Variants in MAN1A1 observed in about 807,000 individuals in gnomAD.
MAN1A1 encodes the protein mannosyl-oligosaccharide 1,2-alpha-mannosidase IA.
Under a neutral mutation model 70.8 loss-of-function variants are expected in MAN1A1, and 29 were observed. The observed-to-expected ratio is 0.41, with a 90% CI of 0.31 to 0.56. MAN1A1 has a LOEUF of 0.56. Among genes scored for constraint, MAN1A1 ranks in the 20% least tolerant of loss-of-function variants. MAN1A1 has a pLI of 0.29. For missense variants in MAN1A1, 747 were observed against 841.3 expected (o/e 0.89, Z 1.39); for synonymous variants, 349 against 330.1 (o/e 1.06, Z -0.62).
At chr6:119,350,554 T>G, upstream of MAN1A1, 1 of 985,408 alleles carries the variant, frequency 1.0e-6, no homozygotes, top group Non-Finnish European at 1.2e-6. Context: ...AATTTTCCAT[T>G]CGAAGACGAG....
chr6:119,193,645 T>A, intron 9 of MAN1A1, 132 bp downstream of exon 9: 1 of 558,470 alleles, frequency 1.8e-6, no homozygotes, highest in Non-Finnish European at 3.2e-6. Context: ...TATTAGCAGA[T>A]ATCGAACTCT....
At chr6:119,321,970 T>G (rs1481644203) in intron 2 of MAN1A1, among the ~76,000 whole-genome samples, 2 of 152,054 alleles carry the variant, frequency 1.3e-5, no homozygotes, top group Non-Finnish European at 1.5e-5. Flanking sequence ...GCCGCAGCCC[T>G]CCATAACAGT....
intron 6 of MAN1A1, among the ~76,000 whole-genome samples, chr6:119,239,804 A>G (rs1466800972): frequency 6.6e-6 from 1 of 152,196 alleles, no homozygotes; most frequent in Admixed American, 6.5e-5. Context: ...AGATTATTCC[A>G]TTGTTAGCTT....
intron 2 of MAN1A1, among the ~76,000 whole-genome samples, chr6:119,333,445 T>C (rs565297727): frequency 6.6e-6 from 1 of 152,316 alleles, no homozygotes; most frequent in Admixed American, 6.5e-5. Flanking sequence ...GTGTAACATA[T>C]ATAATACCAC....
intron 2 of MAN1A1, among the ~76,000 whole-genome samples, chr6:119,319,378 A>C (rs557701268): frequency 9.0e-4 from 133 of 147,266 alleles, no homozygotes; most frequent in African/African-American, 2.6e-3. Context: ...TAATAATAAT[A>C]ATAATAATAA....
chr6:119,257,838 C>T (rs926922666), intron 5 of MAN1A1, among the ~76,000 whole-genome samples: 2 of 152,094 alleles, frequency 1.3e-5, no homozygotes, highest in Admixed American at 1.3e-4. Flanking sequence ...TAATAAATTA[C>T]AGCAAGAACA....
At chr6:119,240,647 G>A (rs1398208009) in intron 6 of MAN1A1, among the ~76,000 whole-genome samples, 1 of 152,152 alleles carries the variant, frequency 6.6e-6, no homozygotes, top group East Asian at 1.9e-4. Flanking sequence ...TGAGGTTCAG[G>A]CATCCTGAGG....
intron 6 of MAN1A1, among the ~76,000 whole-genome samples, chr6:119,226,846 T>TTTTTAATTTATATA (rs2092089329): frequency 1.9e-5 from 1 of 51,332 alleles, no homozygotes; most frequent in South Asian, 1.0e-3. Flanking sequence ...AATTTATATA[T>TTTTTAATTTATATA]TTTTTAGTAG....
chr6:119,324,045 A>T (rs970588976), intron 2 of MAN1A1, among the ~76,000 whole-genome samples: 3 of 152,210 alleles, frequency 2.0e-5, no homozygotes, highest in African/African-American at 4.8e-5. Context: ...CAACATACAC[A>T]GTAACAGCAA....
chr6:119,285,852 T>C (rs1044581152), intron 5 of MAN1A1, among the ~76,000 whole-genome samples: 4 of 152,192 alleles, frequency 2.6e-5, no homozygotes, highest in Admixed American at 2.6e-4. Context: ...TTATGGAAAA[T>C]TCAATATAAG....
intron 6 of MAN1A1, among the ~76,000 whole-genome samples, chr6:119,223,624 T>C (rs1007441971): frequency 2.6e-5 from 4 of 152,158 alleles, no homozygotes; most frequent in Non-Finnish European, 4.4e-5. Flanking sequence ...AATTATACTA[T>C]TATAAAACTG....
chr6:119,181,428 T>G (rs1428098603), intron 11 of MAN1A1, among the ~76,000 whole-genome samples: 1 of 148,066 alleles, frequency 6.8e-6, no homozygotes, highest in Non-Finnish European at 1.5e-5. Context: ...GACATGTGGC[T>G]GGGATCTATT....
At chr6:119,276,168 T>C (rs7767940) in intron 5 of MAN1A1, among the ~76,000 whole-genome samples, 6,287 of 152,296 alleles carry the variant, frequency 0.041, 148 homozygotes, top group African/African-American at 0.054. Context: ...CCTTCTATGT[T>C]ATTCAGACTG....
chr6:119,295,232 T>C (rs1772173920), intron 4 of MAN1A1, among the ~76,000 whole-genome samples: 1 of 152,080 alleles, frequency 6.6e-6, no homozygotes, highest in East Asian at 1.9e-4. Context: ...GACCAACCTC[T>C]TCACACTAGA....
chr6:119,207,135 A>G (rs1201074364), intron 6 of MAN1A1, among the ~76,000 whole-genome samples: 1 of 152,232 alleles, frequency 6.6e-6, no homozygotes, highest in Non-Finnish European at 1.5e-5. Flanking sequence ...AGCATTCAAT[A>G]CGTTTAGAAA....
chr6:119,229,313 A>G (rs530540393), intron 6 of MAN1A1, among the ~76,000 whole-genome samples: 1 of 152,258 alleles, frequency 6.6e-6, no homozygotes, highest in East Asian at 1.9e-4. Flanking sequence ...CAGTGTTATA[A>G]TAAAGCTCCA....
chr6:119,280,798 T>C (rs1776208247), intron 5 of MAN1A1, among the ~76,000 whole-genome samples: 1 of 152,248 alleles, frequency 6.6e-6, no homozygotes, highest in Non-Finnish European at 1.5e-5. Context: ...TCAACAGTCA[T>C]TATGAATTAT....
At chr6:119,306,351 GC>G (rs1187502605) in intron 3 of MAN1A1, among the ~76,000 whole-genome samples, 1 of 152,144 alleles carries the variant, frequency 6.6e-6, no homozygotes, top group African/African-American at 2.4e-5. Flanking sequence ...GTCACAGAGG[GC>G]TGCTGTGGGA....
rs1158090402 is a variant in MAN1A1, at chr6:119,178,615, T to C, written c.*1204A>G. ...TGATTTACTCCAGGACTGTGGGGGA[T>C]GGGGAGTGGCCATTTCTTTATATTT... is the stretch of plus-strand genomic sequence containing the variant. On this transcript the variant is annotated 3_prime_UTR_variant, in exon 13 of 13. Transcript: ENST00000368468. The C allele has an allele frequency of 6.6e-6, 1 of 152,082 alleles. No individual in the cohort carries two copies. Among genetic ancestry groups the C allele is most frequent in the Non-Finnish European group, 1.5e-5 (1 of 67,936 alleles). 9.4% of individuals were successfully genotyped at this position (152,082 alleles called of 1,614,324 possible).
Sources: gnomAD v4.1 joint callset for allele counts (sites outside exome capture counted in the v4.1 genomes callset) on GRCh38, gnomAD v4.1.1 for gene constraint, MANE v1.5 for transcripts, NCBI Gene and HGNC (gene_info 2026-07-23, HGNC 2026-07-21) for gene names.